PAX5: variants seen among roughly 807,000 people sequenced by gnomAD.
PAX5 encodes the protein paired box protein Pax-5.
In PAX5, 9 loss-of-function variants were observed where a neutral mutation model predicts 43.7. The ratio of observed to expected loss-of-function variants is 0.21; its 90% CI spans 0.12 to 0.36. The LOEUF (loss-of-function observed/expected upper bound fraction) is 0.36, where lower values mean the gene tolerates loss of function less well. Among genes scored for constraint, PAX5 ranks in the 10% least tolerant of loss-of-function variants. PAX5 has a pLI of 1.00. For missense variants in PAX5, 383 were observed against 532.7 expected (o/e 0.72, Z 2.77); for synonymous variants, 228 against 214.3 (o/e 1.06, Z -0.56).
intron 9 of PAX5, among the ~76,000 whole-genome samples, chr9:36,844,756 A>G (rs1822401471): frequency 1.3e-5 from 2 of 152,126 alleles, no homozygotes; most frequent in African/African-American, 2.4e-5. Flanking sequence ...CCTTGGATGT[A>G]GTCTAGTCCT....
chr9:36,995,294 G>A (rs1837297743), intron 5 of PAX5, among the ~76,000 whole-genome samples: 1 of 152,262 alleles, frequency 6.6e-6, no homozygotes, highest in Admixed American at 6.5e-5. Flanking sequence ...CAGAAAGCCA[G>A]GCCAGGTCCA....
chr9:36,853,264 C>A (rs1823341582), intron 8 of PAX5, among the ~76,000 whole-genome samples: 3 of 152,116 alleles, frequency 2.0e-5, no homozygotes, highest in Admixed American at 2.0e-4. Context: ...CATAATGAAA[C>A]ACACAAATCT....
intron 8 of PAX5, among the ~76,000 whole-genome samples, chr9:36,869,913 TG>T (rs1264492866): frequency 1.4e-5 from 2 of 147,202 alleles, no homozygotes; most frequent in East Asian, 4.0e-4. Flanking sequence ...GATGGATGGA[TG>T]GATGGATGGA....
At chr9:37,010,097 A>C (rs1464348129) in intron 3 of PAX5, among the ~76,000 whole-genome samples, 1 of 152,246 alleles carries the variant, frequency 6.6e-6, no homozygotes, top group Non-Finnish European at 1.5e-5. Flanking sequence ...TAATTGAATC[A>C]TAACAACTCT....
intron 1 of PAX5, among the ~76,000 whole-genome samples, chr9:37,028,480 T>C (rs1198000369): frequency 6.6e-6 from 1 of 152,310 alleles, no homozygotes. Flanking sequence ...TTAAAGTTAG[T>C]AACTGGGGCG....
In PAX5 at chr9:37,015,263, G is replaced by A. The variant is rs1014753214; in HGVS notation, c.213-69C>T. On this transcript the variant is annotated intron_variant, in intron 2 of 9. Coordinates refer to ENST00000358127, the MANE Select transcript of PAX5 (RefSeq NM_016734.3). The surrounding 1 kb of genome is among the most constrained non-coding windows in gnomAD (Gnocchi z 4.4). ...AAGTGGATATTGGCAACAAAATAAC[G>A]GGCTACTCTGGCCAGGAAACGTCCG... The A allele has an allele frequency of 2.7e-5, 37 of 1,382,722 alleles. No homozygotes were observed. Among genetic ancestry groups the A allele is most frequent in the East Asian group, 1.6e-4 (7 of 43,636 alleles). The allele number at this position is 1,382,722 out of a possible 1,614,324, so 85.7% of individuals were successfully genotyped here.
intron 8 of PAX5, among the ~76,000 whole-genome samples, chr9:36,879,217 G>A (rs1196007205): frequency 6.6e-6 from 1 of 152,242 alleles, no homozygotes; most frequent in Non-Finnish European, 1.5e-5. Context: ...AATGGGCAAA[G>A]AGTCGCCATC....
chr9:36,863,649 A>G (rs1216525656), intron 8 of PAX5, among the ~76,000 whole-genome samples: 1 of 152,208 alleles, frequency 6.6e-6, no homozygotes, highest in Non-Finnish European at 1.5e-5. Context: ...TGAGCCTACT[A>G]GGCTCTATCT....
At chr9:36,920,475 T>C (rs1322470544) in intron 7 of PAX5, among the ~76,000 whole-genome samples, 1 of 152,238 alleles carries the variant, frequency 6.6e-6, no homozygotes, top group East Asian at 1.9e-4. Flanking sequence ...GATGACTCAC[T>C]GAAGGCTCAG....
chr9:37,031,301 C>A (rs1310663813), intron 1 of PAX5, among the ~76,000 whole-genome samples: 2 of 152,216 alleles, frequency 1.3e-5, no homozygotes, highest in Non-Finnish European at 2.9e-5. Context: ...GCCTCTGCTT[C>A]CCCGTTTGTT....
chr9:37,016,596 A>G (rs1030967542), intron 2 of PAX5, among the ~76,000 whole-genome samples: 1 of 152,234 alleles, frequency 6.6e-6, no homozygotes, highest in African/African-American at 2.4e-5. Context: ...TCTGAATCTG[A>G]GACATCACCA....
At position 36,926,608 on chromosome 9, in the gene PAX5, A is replaced by G. The variant is rs1587992376; in HGVS notation, c.781-3124T>C. 2.0e-5 allele frequency among the ~76,000 whole-genome samples: 3 copies of G among 152,362 alleles called. No homozygotes were observed. In the East Asian group the frequency reaches 5.8e-4, roughly 29 times the overall value. ...TCCACTCACTGGAAGCAACTCCTTC[A>G]GTTCATTGCTGTGTGCAAAGACGGC... is the stretch of plus-strand genomic sequence containing the variant. On this transcript the variant is annotated intron_variant, in intron 6 of 9. Coordinates refer to ENST00000358127, the MANE Select transcript of PAX5 (RefSeq NM_016734.3).
At chr9:36,974,005 T>C (rs1185926076) in intron 5 of PAX5, among the ~76,000 whole-genome samples, 1 of 151,650 alleles carries the variant, frequency 6.6e-6, no homozygotes. Flanking sequence ...GTCTCAAAAA[T>C]AATAATAATA....
chr9:36,906,326 C>A (rs550418392), intron 7 of PAX5, among the ~76,000 whole-genome samples: 26 of 152,206 alleles, frequency 1.7e-4, no homozygotes, highest in African/African-American at 5.5e-4. Context: ...GAAACAGGGG[C>A]AAGGGGGTCA....
chr9:36,879,403 C>T (rs901109933), intron 8 of PAX5, among the ~76,000 whole-genome samples: 7 of 152,184 alleles, frequency 4.6e-5, no homozygotes, highest in South Asian at 4.1e-4. Flanking sequence ...CTGAGAGGAC[C>T]GGCTGGGTGG....
chr9:36,869,997 T>C (rs527776505), intron 8 of PAX5, among the ~76,000 whole-genome samples: 6 of 128,676 alleles, frequency 4.7e-5, no homozygotes, highest in Admixed American at 7.8e-5. Context: ...GATGGATGGA[T>C]GGATGGATAA....
At position 37,033,994 on chromosome 9, in the gene PAX5, C is replaced by A. The variant is rs1249107807; in HGVS notation, c.38G>T (p.Ser13Ile). ...LEKNYPTPRT[S>I]RTGHGGVNQL... is the part of the protein sequence containing the mutation. ...CCGTATCGCGGTCCTACCTGTCCTGCTGGTCCGAGGAGTCGGATAATTTTT... is the reference window on the plus strand; with the variant it reads ...CCGTATCGCGGTCCTACCTGTCCTGATGGTCCGAGGAGTCGGATAATTTTT... Residue 13 changes from serine to isoleucine, a missense_variant, in exon 1 of 10, where the codon AGC becomes ATC. Physicochemically the swap from Ser to Ile is moderately radical, Grantham distance 142. Around this residue, in one of 5 missense-constraint regions of PAX5, gnomAD observed 54 missense variants for 68.6 expected, o/e 0.79. Coordinates refer to ENST00000358127, the MANE Select transcript of PAX5 (RefSeq NM_016734.3). The A allele has an allele frequency of 6.2e-7, 1 of 1,610,316 alleles. No individual in the cohort carries two copies. Among genetic ancestry groups the A allele is most frequent in the African/African-American group, 1.3e-5 (1 of 74,454 alleles).
intron 8 of PAX5, among the ~76,000 whole-genome samples, chr9:36,850,160 T>A (rs763723236): frequency 2.6e-5 from 4 of 152,196 alleles, no homozygotes; most frequent in Non-Finnish European, 4.4e-5. Flanking sequence ...GGCCAGGTCT[T>A]CCGTGAGGCC....
intron 1 of PAX5, among the ~76,000 whole-genome samples, chr9:37,022,608 C>CA (rs771736794): frequency 5.3e-5 from 8 of 152,186 alleles, no homozygotes; most frequent in Non-Finnish European, 1.2e-4. Flanking sequence ...ATGTCACTGA[C>CA]AATTGAGACT....
Sources: gnomAD v4.1 joint callset for allele counts (sites outside exome capture counted in the v4.1 genomes callset) on GRCh38, gnomAD v4.1.1 for gene constraint, gnomAD v4.1.1 regional missense constraint, Gnocchi (gnomAD v3.1) non-coding constraint, MANE v1.5 for transcripts, NCBI Gene and HGNC (gene_info 2026-07-23, HGNC 2026-07-21) for gene names.